CMC2: variants seen among roughly 807,000 people sequenced by gnomAD.
CMC2 encodes C-X9-C motif containing 2.
CMC2 carries 5 observed loss-of-function variants against 7.5 expected under a neutral mutation model. The ratio of observed to expected loss-of-function variants is 0.66; its 90% CI spans 0.35 to 1.40. The LOEUF is 1.40. CMC2 is among the 40% of genes most tolerant of loss of function. The probability of loss-of-function intolerance (pLI) is 0.04; values close to 1 mark genes in which losing one functional copy is unlikely to be tolerated. For missense variants in CMC2, 115 were observed against 92.3 expected (o/e 1.25, Z -1.01); for synonymous variants, 37 against 31.4 (o/e 1.18, Z -0.60).
At chr16:80,989,630 C>T (rs2549839) in intron 2 of CMC2, among the ~76,000 whole-genome samples, 98,831 of 151,714 alleles carry the variant, frequency 0.65, 33,927 homozygotes, top group South Asian at 0.8. Flanking sequence ...AAAATCTGGG[C>T]GTTACGTATG....
At position 80,981,769 on chromosome 16, in the gene CMC2, T is replaced by C. The variant is rs749469487; in HGVS notation, c.153+37A>G. ...CAATATTCAAAAATGTTCTGTTCTA[T>C]TGTTCAACCATATCCATCCTTTGAC... is the stretch of plus-strand genomic sequence containing the variant. On this transcript the variant is annotated intron_variant, in intron 3 of 3. Coordinates refer to ENST00000219400, the MANE Select transcript of CMC2 (RefSeq NM_020188.5). 17 of 1,344,408 alleles carry C rather than the reference T, an allele frequency of 1.3e-5. 1 individual carries two copies. Among genetic ancestry groups the C allele is most frequent in the Admixed American group, 9.1e-5 (5 of 54,776 alleles). 83.3% of individuals were successfully genotyped at this position (1,344,408 alleles called of 1,614,324 possible).
Position 80,966,719 on chromosome 16 carries a change from T to A in CMC2, c.*9374A>T, listed in dbSNP as rs1019823623. ...ACAACACTTATAATCATTTCCTTTCTGTGGTTATAAAATCAACTTGACATG... is the reference window on the plus strand; with the variant it reads ...ACAACACTTATAATCATTTCCTTTCAGTGGTTATAAAATCAACTTGACATG... On this transcript the variant is annotated 3_prime_UTR_variant, in exon 4 of 4. Coordinates refer to ENST00000219400, the MANE Select transcript of CMC2 (RefSeq NM_020188.5). The A allele has an allele frequency of 2.6e-5, 4 of 152,238 alleles. No homozygotes were observed. Among genetic ancestry groups the A allele is most frequent in the Admixed American group, 2.6e-4 (4 of 15,286 alleles). 9.4% of individuals were successfully genotyped at this position (152,238 alleles called of 1,614,324 possible).
intron 3 of CMC2, among the ~76,000 whole-genome samples, chr16:80,977,401 T>C (rs1235218952): frequency 6.6e-6 from 1 of 152,204 alleles, no homozygotes. Flanking sequence ...TCCAACACAC[T>C]TTAAAGGTGG....
chr16:80,981,159 C>G (rs932495133), intron 3 of CMC2, among the ~76,000 whole-genome samples: 1 of 150,188 alleles, frequency 6.7e-6, no homozygotes, highest in Non-Finnish European at 1.5e-5. Flanking sequence ...TTTAAAAGTT[C>G]TGGACACAAA....
chr16:80,989,834 G>T (rs1048934295), intron 2 of CMC2, among the ~76,000 whole-genome samples: 3 of 151,878 alleles, frequency 2.0e-5, no homozygotes, highest in Admixed American at 2.0e-4. Context: ...GTCTCTTTTC[G>T]TCTACAATAT....
chr16:81,003,295 C>T (rs985922552), intron 1 of CMC2, among the ~76,000 whole-genome samples: 3 of 152,324 alleles, frequency 2.0e-5, no homozygotes, highest in East Asian at 1.9e-4. Flanking sequence ...ACGCTAAATA[C>T]GTATTCCATA....
chr16:81,000,113 T>C (rs1347959929), intron 1 of CMC2, among the ~76,000 whole-genome samples: 1 of 152,052 alleles, frequency 6.6e-6, no homozygotes, highest in African/African-American at 2.4e-5. Context: ...TAGGACAAAA[T>C]ATTCACAAAC....
rs1597264425 is a variant in CMC2, at chr16:80,997,231, C to T, written c.81+83G>A. On this transcript the variant is annotated intron_variant, in intron 2 of 3. Coordinates refer to ENST00000219400, the MANE Select transcript of CMC2 (RefSeq NM_020188.5). ...CTTACTAAGACATTATCGTTTCCTTCTATCAACGGAGATAACATTTTACAT... is the reference window on the plus strand; with the variant it reads ...CTTACTAAGACATTATCGTTTCCTTTTATCAACGGAGATAACATTTTACAT... 3 of 813,590 alleles carry T rather than the reference C, an allele frequency of 3.7e-6. No individual in the cohort carries two copies. The East Asian group carries it at 7.4e-5, about 20-fold the overall frequency. The allele number at this position is 813,590 out of a possible 1,614,324, so 50.4% of individuals were successfully genotyped here.
intron 1 of CMC2, 86 bp from the exon 2 acceptor site, chr16:80,997,515 T>G (rs1192856388): frequency 5.8e-6 from 4 of 690,026 alleles, no homozygotes; most frequent in Non-Finnish European, 1.0e-5. Context: ...CTAGTGACCT[T>G]TATCAGAGAA....
At chr16:80,989,835 T>C (rs1178374017) in intron 2 of CMC2, among the ~76,000 whole-genome samples, 1 of 152,204 alleles carries the variant, frequency 6.6e-6, no homozygotes, top group Non-Finnish European at 1.5e-5. Flanking sequence ...TCTCTTTTCG[T>C]CTACAATATG....
In CMC2 at chr16:80,968,471, T is replaced by G. The variant is rs1270287855; in HGVS notation, c.*7622A>C. ...AAATGCAGATGAAGATGAAGGTCTC[T>G]GAACAGAAGATGCTCTTATAACTCC... is the stretch of plus-strand genomic sequence containing the variant. On this transcript the variant is annotated 3_prime_UTR_variant, in exon 4 of 4. Coordinates refer to ENST00000219400, the MANE Select transcript of CMC2 (RefSeq NM_020188.5). The G allele has an allele frequency of 6.6e-6, 1 of 152,260 alleles. No homozygotes were observed. The highest frequency in any genetic ancestry group is 1.9e-4 in the East Asian group (1 of 5,198). The allele number at this position is 152,260 out of a possible 1,614,324, so 9.4% of individuals were successfully genotyped here.
intron 2 of CMC2, among the ~76,000 whole-genome samples, chr16:80,989,085 C>A (rs62054250): frequency 6.6e-6 from 1 of 152,078 alleles, no homozygotes; most frequent in African/African-American, 2.4e-5. Context: ...CTTTTATTAC[C>A]TAGGTAAGAA....
Position 80,996,827 on chromosome 16 carries a change from T to C in CMC2, c.81+487A>G, listed in dbSNP as rs150703361. ...TCCTTTTCTATTTTGGTTTTAACCA[T>C]GTAATTTTACTTCCATTCCACTAAC... On this transcript the variant is annotated intron_variant, in intron 2 of 3. Coordinates refer to ENST00000219400, the MANE Select transcript of CMC2 (RefSeq NM_020188.5). 3.0e-3 allele frequency: 560 copies of C among 184,204 alleles called. 11 individuals carry two copies. The highest frequency in any genetic ancestry group is 0.028 in the East Asian group (192 of 6,840). The allele number at this position is 184,204 out of a possible 1,614,324, so 11.4% of individuals were successfully genotyped here. A position where few individuals can be genotyped will look rare whatever the true frequency, so the allele number is the denominator to read the frequency against.
chr16:81,004,700 G>C (rs1378532653), intron 1 of CMC2, among the ~76,000 whole-genome samples: 1 of 152,202 alleles, frequency 6.6e-6, no homozygotes, highest in Non-Finnish European at 1.5e-5. Flanking sequence ...AGAAGCGGTA[G>C]GGTACTCTTA....
At chr16:80,993,756 T>C (rs1968196018) in intron 2 of CMC2, among the ~76,000 whole-genome samples, 1 of 152,166 alleles carries the variant, frequency 6.6e-6, no homozygotes, top group Non-Finnish European at 1.5e-5. Context: ...AACTGCCTGC[T>C]GATACAAAAG....
At chr16:80,985,004 C>T (rs945248930) in intron 2 of CMC2, among the ~76,000 whole-genome samples, 5 of 152,172 alleles carry the variant, frequency 3.3e-5, no homozygotes, top group Admixed American at 2.0e-4. Flanking sequence ...AACCGAGTAA[C>T]TGATTGAATA....
chr16:80,980,854 T>C (rs1213255279), intron 3 of CMC2: 2 of 698,464 alleles, frequency 2.9e-6, no homozygotes, highest in Non-Finnish European at 5.2e-6. Flanking sequence ...CCTACTGCAC[T>C]CCAGCTTAGG....
intron 1 of CMC2, among the ~76,000 whole-genome samples, chr16:80,999,390 A>C (rs1968679928): frequency 6.6e-6 from 1 of 152,246 alleles, no homozygotes; most frequent in Non-Finnish European, 1.5e-5. Flanking sequence ...AAGAACTACA[A>C]AACACTGCTG....
chr16:80,985,350 T>C (rs766386258), intron 2 of CMC2, among the ~76,000 whole-genome samples: 2 of 152,202 alleles, frequency 1.3e-5, no homozygotes, highest in African/African-American at 2.4e-5. Context: ...ACAGATTGAA[T>C]GTAGAGGCAG....
Sources: allele counts gnomAD v4.1 joint callset (sites outside exome capture counted in the v4.1 genomes callset), GRCh38; gene constraint gnomAD v4.1.1; transcripts MANE v1.5; gene names NCBI Gene and HGNC (gene_info 2026-07-23, HGNC 2026-07-21).